The following DGKB variants were observed in gnomAD, a reference collection of about 807,000 sequenced individuals.
DGKB encodes 90 kDa diacylglycerol kinase.
DGKB carries 67 observed loss-of-function variants against 114.3 expected under a neutral mutation model. The observed-to-expected ratio is 0.59, with a 90% CI of 0.48 to 0.72. The LOEUF (loss-of-function observed/expected upper bound fraction) is 0.72, where lower values mean the gene tolerates loss of function less well. Among genes scored for constraint, DGKB ranks in the 30% least tolerant of loss-of-function variants. The pLI, the probability that DGKB is intolerant of heterozygous loss-of-function variation, is 0.00. For synonymous variants in DGKB, 398 were observed against 323.1 expected, an observed-to-expected ratio of 1.23 and a Z score of -2.49; for missense variants, 907 against 975.2, an observed-to-expected ratio of 0.93 and a Z score of 0.93.
At chr7:14,725,041 A>T (rs1030362186) in intron 5 of DGKB, among the ~76,000 whole-genome samples, 1 of 152,152 alleles carries the variant, frequency 6.6e-6, no homozygotes. Flanking sequence ...TTGGGGTGGC[A>T]TGCATTTGTA....
intron 6 of DGKB, among the ~76,000 whole-genome samples, chr7:14,704,447 CAAA>C (rs774905779): frequency 3.0e-4 from 16 of 53,468 alleles, no homozygotes; most frequent in African/African-American, 7.1e-4. Flanking sequence ...GACTCCATCT[CAAA>C]AAAAAAAAAA....
chr7:14,519,877 T>C (rs1421533658), intron 20 of DGKB, among the ~76,000 whole-genome samples: 1 of 151,998 alleles, frequency 6.6e-6, no homozygotes, highest in East Asian at 1.9e-4. Context: ...TTTAAGTAAT[T>C]AGTCTACTTT....
intron 25 of DGKB, among the ~76,000 whole-genome samples, chr7:14,170,485 C>T (rs1780831663): frequency 6.6e-6 from 1 of 152,092 alleles, no homozygotes; most frequent in Non-Finnish European, 1.5e-5. Flanking sequence ...GGTATTGTCA[C>T]CAGGGTTTCC....
chr7:14,306,247 AG>A (rs1804448202), intron 23 of DGKB, among the ~76,000 whole-genome samples: 1 of 152,136 alleles, frequency 6.6e-6, no homozygotes, highest in Admixed American at 6.5e-5. Flanking sequence ...GCAACATTTT[AG>A]AAGTTAAATA....
At chr7:14,790,671 A>G (rs1840544849) in intron 2 of DGKB, among the ~76,000 whole-genome samples, 1 of 152,146 alleles carries the variant, frequency 6.6e-6, no homozygotes, top group Admixed American at 6.5e-5. Flanking sequence ...CTATGCTTTA[A>G]TCCTGCAAAT....
chr7:14,462,174 T>C lies in DGKB; in HGVS notation c.1835+15987A>G, dbSNP rs534470521. 2.5e-3 allele frequency among the ~76,000 whole-genome samples: 375 copies of C among 152,026 alleles called. 1 individual carries two copies. The highest frequency in any genetic ancestry group is 8.5e-3 in the African/African-American group (351 of 41,458). On this transcript the variant is annotated intron_variant, in intron 21 of 25. Coordinates refer to ENST00000402815, the MANE Select transcript of DGKB (RefSeq NM_001350709.2). Reference sequence around the variant, plus strand: ...CTACTGAATGGGCAAAAGCTGGAACTATTCCCTTTGAAAACTGGCACAAGA... The same window carrying C: ...CTACTGAATGGGCAAAAGCTGGAACCATTCCCTTTGAAAACTGGCACAAGA...
At chr7:14,518,485 TGA>T (rs1390379356) in intron 20 of DGKB, among the ~76,000 whole-genome samples, 2 of 151,678 alleles carry the variant, frequency 1.3e-5, no homozygotes, top group East Asian at 1.9e-4. Flanking sequence ...AAAAAAAAGA[TGA>T]GAGGAGTACT....
intron 23 of DGKB, among the ~76,000 whole-genome samples, chr7:14,300,256 T>G (rs566020164): frequency 1.3e-5 from 2 of 152,244 alleles, no homozygotes; most frequent in East Asian, 3.9e-4. Flanking sequence ...AATAGCAAAG[T>G]GCACCTCATT....
intron 23 of DGKB, among the ~76,000 whole-genome samples, chr7:14,210,899 C>A (rs140426617): frequency 2.6e-5 from 4 of 152,094 alleles, no homozygotes; most frequent in African/African-American, 9.6e-5. Context: ...GCTTTATACA[C>A]CCACATTTCC....
At chr7:14,700,212 AT>A (rs3071277) in intron 7 of DGKB, among the ~76,000 whole-genome samples, 50,834 of 131,098 alleles carry the variant, frequency 0.39, 9,598 homozygotes, top group East Asian at 0.82. Context: ...TTGAAAAAAA[AT>A]TTTTTTTTTT....
chr7:14,853,172 C>T (rs1053122188), intron 1 of DGKB, among the ~76,000 whole-genome samples: 8 of 151,960 alleles, frequency 5.3e-5, no homozygotes, highest in Admixed American at 1.3e-4. Flanking sequence ...TTTTACCAAA[C>T]GATATTTGAT....
At chr7:14,713,018 G>C (rs1827619883) in intron 6 of DGKB, among the ~76,000 whole-genome samples, 1 of 151,998 alleles carries the variant, frequency 6.6e-6, no homozygotes, top group South Asian at 2.1e-4. Flanking sequence ...TCCAAATATG[G>C]GTATACCTGC....
chr7:14,917,228 G>A (rs1191193599), intron 1 of DGKB, among the ~76,000 whole-genome samples: 1 of 151,914 alleles, frequency 6.6e-6, no homozygotes, highest in Non-Finnish European at 1.5e-5. Flanking sequence ...TAGGACTAGA[G>A]AAAGTAAAGC....
At chr7:14,188,253 A>C (rs1783743096) in intron 23 of DGKB, among the ~76,000 whole-genome samples, 1 of 152,186 alleles carries the variant, frequency 6.6e-6, no homozygotes, top group Non-Finnish European at 1.5e-5. Flanking sequence ...TCATAATAGG[A>C]GTGTCAGAGG....
At chr7:14,571,829 A>T (rs749934194) in intron 20 of DGKB, among the ~76,000 whole-genome samples, 6 of 152,204 alleles carry the variant, frequency 3.9e-5, no homozygotes, top group Non-Finnish European at 5.9e-5. Context: ...CTAGACAACC[A>T]TTTTGACACA....
chr7:14,216,614 T>C (rs1191061161), intron 23 of DGKB, among the ~76,000 whole-genome samples: 3 of 149,760 alleles, frequency 2.0e-5, no homozygotes, highest in Admixed American at 1.4e-4. Context: ...TAATCCCAGC[T>C]ACCCGGGAGG....
At chr7:14,481,825 G>C (rs1244954375) in intron 20 of DGKB, among the ~76,000 whole-genome samples, 1 of 151,802 alleles carries the variant, frequency 6.6e-6, no homozygotes, top group Admixed American at 6.6e-5. Context: ...CTGGTTTTCG[G>C]TGCTGTATTT....
chr7:14,286,366 T>C (rs1390013040), intron 23 of DGKB, among the ~76,000 whole-genome samples: 1 of 152,124 alleles, frequency 6.6e-6, no homozygotes, highest in Admixed American at 6.6e-5. Context: ...ACGATATCAA[T>C]TTTTTGGCAT....
At chr7:14,613,676 G>C (rs1259622528) in intron 15 of DGKB, among the ~76,000 whole-genome samples, 1 of 151,644 alleles carries the variant, frequency 6.6e-6, no homozygotes, top group African/African-American at 2.4e-5. Context: ...GTCAGGAAGA[G>C]GGAATAACAT....
Sources: allele counts gnomAD v4.1 joint callset (sites outside exome capture counted in the v4.1 genomes callset), GRCh38; gene constraint gnomAD v4.1.1; transcripts MANE v1.5; gene names NCBI Gene and HGNC (gene_info 2026-07-23, HGNC 2026-07-21).